FSTL5: variants seen among roughly 807,000 people sequenced by gnomAD.
FSTL5 encodes the protein follistatin like 5.
Under a neutral mutation model 89.1 loss-of-function variants are expected in FSTL5, and 62 were observed. That is an observed-to-expected ratio of 0.70 (90% confidence interval 0.57 to 0.86). The LOEUF (loss-of-function observed/expected upper bound fraction) is 0.86. FSTL5 is among the 40% of genes least tolerant of loss of function. The pLI is 0.00. For synonymous variants in FSTL5, 383 were observed against 346.2 expected (o/e 1.11, Z -1.18); for missense variants, 1,057 against 1,001.6 (o/e 1.06, Z -0.75).
intron 6 of FSTL5, among the ~76,000 whole-genome samples, chr4:161,756,600 G>T (rs892837333): frequency 6.6e-6 from 1 of 151,858 alleles, no homozygotes; most frequent in Admixed American, 6.6e-5. Flanking sequence ...TTATAAGGAC[G>T]ATGCACTGAT....
At chr4:161,802,386 T>C (rs1005432392) in intron 4 of FSTL5, among the ~76,000 whole-genome samples, 1 of 151,728 alleles carries the variant, frequency 6.6e-6, no homozygotes, top group African/African-American at 2.4e-5. Context: ...GTGAGTGCCC[T>C]TATAATTATC....
chr4:161,466,546 ATAATACT>A (rs1733753848), intron 13 of FSTL5, among the ~76,000 whole-genome samples: 1 of 152,160 alleles, frequency 6.6e-6, no homozygotes, highest in Non-Finnish European at 1.5e-5. Context: ...GAGACTGCTG[ATAATACT>A]TAAGAGTACT....
intron 6 of FSTL5, among the ~76,000 whole-genome samples, chr4:161,751,019 G>A (rs1456612894): frequency 6.6e-6 from 1 of 151,352 alleles, no homozygotes; most frequent in Non-Finnish European, 1.5e-5. Context: ...CTGTCTAATT[G>A]TGTCTGCTTT....
intron 3 of FSTL5, among the ~76,000 whole-genome samples, chr4:161,964,143 TAATA>T (rs1735258570): frequency 1.3e-5 from 2 of 152,022 alleles, no homozygotes; most frequent in Non-Finnish European, 2.9e-5. Flanking sequence ...ATATGACGGA[TAATA>T]AATAAAGACA....
At chr4:162,147,989 G>T (rs1414577157) in intron 1 of FSTL5, among the ~76,000 whole-genome samples, 1 of 152,048 alleles carries the variant, frequency 6.6e-6, no homozygotes, top group African/African-American at 2.4e-5. Context: ...TGGGCAACAA[G>T]AGCGAAACTC....
chr4:161,963,754 G>A (rs1044334098), intron 3 of FSTL5, among the ~76,000 whole-genome samples: 13 of 151,798 alleles, frequency 8.6e-5, no homozygotes, highest in Non-Finnish European at 7.4e-5. Context: ...TAATGGCCTT[G>A]GATAAGTATA....
intron 6 of FSTL5, among the ~76,000 whole-genome samples, chr4:161,756,386 T>A (rs1560827971): frequency 6.6e-6 from 1 of 152,102 alleles, no homozygotes; most frequent in Non-Finnish European, 1.5e-5. Flanking sequence ...ATCATTACTA[T>A]ATTCACTAAA....
intron 4 of FSTL5, among the ~76,000 whole-genome samples, chr4:161,912,150 T>C (rs1733711952): frequency 1.3e-5 from 2 of 152,150 alleles, no homozygotes; most frequent in African/African-American, 4.8e-5. Flanking sequence ...TGTTTTTGAA[T>C]AGAAATATAG....
chr4:161,531,539 G>C (rs1221830196), intron 10 of FSTL5, among the ~76,000 whole-genome samples: 1 of 152,088 alleles, frequency 6.6e-6, no homozygotes, highest in Non-Finnish European at 1.5e-5. Context: ...GCGCATTACA[G>C]AATAATTCTC....
chr4:161,908,436 T>G (rs1158558791), intron 4 of FSTL5, among the ~76,000 whole-genome samples: 2 of 152,156 alleles, frequency 1.3e-5, no homozygotes, highest in Non-Finnish European at 2.9e-5. Context: ...ATTTATAAAA[T>G]TAATCAATTT....
At chr4:161,724,936 T>C (rs1739342082) in intron 6 of FSTL5, among the ~76,000 whole-genome samples, 1 of 152,240 alleles carries the variant, frequency 6.6e-6, no homozygotes, top group African/African-American at 2.4e-5. Context: ...GGCTCACGCC[T>C]GTAATCTCAG....
intron 10 of FSTL5, among the ~76,000 whole-genome samples, chr4:161,530,359 C>A (rs1438691160): frequency 1.4e-5 from 2 of 141,102 alleles, no homozygotes; most frequent in African/African-American, 5.0e-5. Flanking sequence ...ATGCTTATTT[C>A]ATTTTGATAA....
chr4:161,808,549 T>C (rs796406127), intron 4 of FSTL5, among the ~76,000 whole-genome samples: 40 of 152,002 alleles, frequency 2.6e-4, no homozygotes, highest in African/African-American at 9.6e-4. Flanking sequence ...GTGAAACTCT[T>C]AGAAGAAAAA....
At chr4:161,594,485 A>G (rs775184456) in intron 7 of FSTL5, among the ~76,000 whole-genome samples, 3 of 152,090 alleles carry the variant, frequency 2.0e-5, no homozygotes, top group Non-Finnish European at 4.4e-5. Flanking sequence ...AAAATTATCC[A>G]AGACTGCAAC....
chr4:161,595,195 C>G (rs1400592777), intron 7 of FSTL5, among the ~76,000 whole-genome samples: 1 of 152,032 alleles, frequency 6.6e-6, no homozygotes, highest in East Asian at 1.9e-4. Flanking sequence ...TACAGCATTT[C>G]TGATCTTTTA....
At chr4:162,036,880 T>A (rs769331639) in intron 2 of FSTL5, among the ~76,000 whole-genome samples, 6 of 151,832 alleles carry the variant, frequency 4.0e-5, no homozygotes, top group Non-Finnish European at 8.8e-5. Flanking sequence ...GTTCAAGTTA[T>A]CTAAGGAAGG....
intron 3 of FSTL5, among the ~76,000 whole-genome samples, chr4:161,939,426 T>C (rs927732226): frequency 2.6e-5 from 4 of 151,994 alleles, no homozygotes; most frequent in Non-Finnish European, 5.9e-5. Context: ...TTAGAATATT[T>C]TTATTTAAGT....
rs142709881 is a variant in FSTL5, at chr4:161,657,329, A to G, written c.728-835T>C. On this transcript the variant is annotated intron_variant, in intron 6 of 15. Transcript: ENST00000306100. ...AACTGACCTTTTGTTTCCTGCTGACATTCACAGACATGAAGTTTTCTACAT... is the reference window on the plus strand; with the variant it reads ...AACTGACCTTTTGTTTCCTGCTGACGTTCACAGACATGAAGTTTTCTACAT... 6.0e-3 allele frequency among the ~76,000 whole-genome samples: 917 copies of G among 152,348 alleles called. 9 individuals are homozygous for G. Among genetic ancestry groups the G allele is most frequent in the South Asian group, 0.046 (220 of 4,830 alleles).
At chr4:162,069,816 T>C (rs1017813118) in intron 2 of FSTL5, among the ~76,000 whole-genome samples, 1 of 151,962 alleles carries the variant, frequency 6.6e-6, no homozygotes, top group African/African-American at 2.4e-5. Context: ...TGGTTGACTA[T>C]ATCTTAGCCT....
Sources: gnomAD v4.1 joint callset for allele counts (sites outside exome capture counted in the v4.1 genomes callset) on GRCh38, gnomAD v4.1.1 for gene constraint, MANE v1.5 for transcripts, NCBI Gene and HGNC (gene_info 2026-07-23, HGNC 2026-07-21) for gene names.